Variants in NCOR1 observed in about 807,000 individuals in gnomAD.
NCOR1 encodes the protein nuclear receptor corepressor 1.
Under a neutral mutation model 288.1 loss-of-function variants are expected in NCOR1, and 63 were observed. The observed-to-expected ratio is 0.22, with a 90% CI of 0.18 to 0.27. The LOEUF (loss-of-function observed/expected upper bound fraction) is 0.27. Among genes scored for constraint, NCOR1 ranks in the 10% least tolerant of loss-of-function variants. NCOR1 has a pLI of 1.00. For synonymous variants in NCOR1, 1,007 were observed against 1,065.9 expected (o/e 0.94, Z 1.08); for missense variants, 2,397 against 3,019.2 (o/e 0.79, Z 4.83).
Position 16,029,210 on chromosome 17 carries a change from C to G in NCOR1, c.*3086G>C, listed in dbSNP as rs1170900716. Reference sequence around the variant, plus strand: ...TAATTTTAAATCATCCACAGTGACTCAGCTCATGGTCTCGTTGTTGGAAAC... The same window carrying G: ...TAATTTTAAATCATCCACAGTGACTGAGCTCATGGTCTCGTTGTTGGAAAC... On this transcript the variant is annotated 3_prime_UTR_variant, in exon 46 of 46. Transcript: ENST00000268712. 1 of 453,894 alleles carries G rather than the reference C, an allele frequency of 2.2e-6. No homozygotes were observed. The highest frequency in any genetic ancestry group is 4.4e-6 in the Non-Finnish European group (1 of 226,722). The allele number at this position is 453,894 out of a possible 1,614,324, so 28.1% of individuals were successfully genotyped here. A position where few individuals can be genotyped will look rare whatever the true frequency, so the allele number is the denominator to read the frequency against.
chr17:16,117,220 C>G (rs138624991), intron 18 of NCOR1, among the ~76,000 whole-genome samples: 1 of 152,240 alleles, frequency 6.6e-6, no homozygotes, highest in East Asian at 1.9e-4. Flanking sequence ...CTAAAGTTTT[C>G]AATTCAATCT....
intron 4 of NCOR1, among the ~76,000 whole-genome samples, chr17:16,170,530 C>T (rs191307877): frequency 2.0e-5 from 3 of 152,074 alleles, no homozygotes; most frequent in African/African-American, 7.2e-5. Flanking sequence ...ATAAGCAAAG[C>T]AGAGTTGAAA....
In NCOR1 at chr17:16,114,143, CAAAAAA is replaced by C. The variant is rs71353770; in HGVS notation, c.2055+3739_2055+3744del. Reference sequence around the variant, plus strand: ...TAACGTCTTACATGATGGCGGCAGGCAAAAAAAAAAAAAAAAAAAAAAAAAACTTGT... The same window carrying C: ...TAACGTCTTACATGATGGCGGCAGGCAAAAAAAAAAAAAAAAAAAACTTGT... On this transcript the variant is annotated intron_variant, in intron 18 of 45. Coordinates refer to ENST00000268712, the MANE Select transcript of NCOR1 (RefSeq NM_006311.4). 2.8e-4 allele frequency among the ~76,000 whole-genome samples: 5 copies of C among 17,708 alleles called. 1 individual carries two copies. The highest frequency in any genetic ancestry group is 6.2e-4 in the Non-Finnish European group (5 of 8,004). The allele number at this position is 17,708 out of a possible 152,430, so 11.6% of individuals were successfully genotyped here.
In NCOR1 at chr17:16,032,362, G is replaced by A; in HGVS notation, c.7257C>T (p.Ile2419=). 3 of 1,614,136 alleles carry A rather than the reference G, an allele frequency of 1.9e-6. No individual in the cohort carries two copies. Among genetic ancestry groups the A allele is most frequent in the Non-Finnish European group, 2.5e-6 (3 of 1,180,006 alleles). ...NQAAPHQQNR[I]WEREPAPLLS... The stretch of plus-strand genomic sequence containing the variant: ...GCAGTGGGGCAGGCTCTCGCTCCCA[G>A]ATCCTGTTCTGTTGGTGAGGAGCTG... Residue 2419 remains isoleucine (I), a synonymous_variant, in exon 46 of 46, where the codon ATC becomes ATT. Transcript: ENST00000268712.
At chr17:16,166,728 A>G (rs544850937) in intron 4 of NCOR1, among the ~76,000 whole-genome samples, 1 of 152,074 alleles carries the variant, frequency 6.6e-6, no homozygotes, top group Non-Finnish European at 1.5e-5. Context: ...ATCTTTATCA[A>G]CCTTTTTTTC....
intron 1 of NCOR1, 49 bp from the exon 2 acceptor site, chr17:16,194,688 G>C (rs1375001791): frequency 1.8e-6 from 1 of 541,752 alleles, no homozygotes; most frequent in Non-Finnish European, 3.3e-6. Flanking sequence ...AAAACACCAA[G>C]TGTACTTCTA....
chr17:16,087,055 T>C lies in NCOR1; in HGVS notation c.3017-613A>G, dbSNP rs1442663661. 6.8e-6 allele frequency: 5 copies of C among 739,556 alleles called. No homozygotes were observed. In the East Asian group the frequency reaches 3.3e-4, roughly 49 times the overall value. 45.8% of individuals were successfully genotyped at this position (739,556 alleles called of 1,614,324 possible). A position where few individuals can be genotyped will look rare whatever the true frequency, so the allele number is the denominator to read the frequency against. On this transcript the variant is annotated intron_variant, in intron 22 of 45. Transcript: ENST00000268712. ...GATGGAACGCAGAGAAACAAAGTCATTCTGAAACAGCAAGGACACGTCCTG... is the reference window on the plus strand; with the variant it reads ...GATGGAACGCAGAGAAACAAAGTCACTCTGAAACAGCAAGGACACGTCCTG...
intron 44 of NCOR1, among the ~76,000 whole-genome samples, chr17:16,036,590 G>C (rs939128392): frequency 7.9e-5 from 12 of 152,220 alleles, no homozygotes; most frequent in African/African-American, 2.4e-4. Flanking sequence ...TGAGTAACTT[G>C]CTGCAACATC....
At position 16,074,084 on chromosome 17, in the gene NCOR1, C is replaced by T. The variant is rs1440303642; in HGVS notation, c.3671-515G>A. On this transcript the variant is annotated intron_variant, in intron 27 of 45. Coordinates refer to ENST00000268712, the MANE Select transcript of NCOR1 (RefSeq NM_006311.4). ...GACAGAGAAAGGTACAATAAAAGAA[C>T]GTAAGCGTGGTAACCGGCTAATGTG... Among the ~76,000 whole-genome samples the T allele has an allele frequency of 2.0e-5, 3 of 152,046 alleles. No homozygotes were observed. The South Asian group carries it at 6.2e-4, about 32-fold the overall frequency.
At chr17:16,098,329 T>C (rs768801413) in intron 21 of NCOR1, 38 bp downstream of exon 21, 2 of 1,602,146 alleles carry the variant, frequency 1.2e-6, no homozygotes, top group East Asian at 2.2e-5. Flanking sequence ...GGTCTCAGTT[T>C]TTCATATTTA....
At chr17:16,188,368 T>C (rs1049163524) in intron 2 of NCOR1, among the ~76,000 whole-genome samples, 1 of 152,162 alleles carries the variant, frequency 6.6e-6, no homozygotes, top group Non-Finnish European at 1.5e-5. Flanking sequence ...TCCCAGCACT[T>C]TGGGAGGCCA....
At chr17:16,045,731 C>G (rs1307822261) in intron 42 of NCOR1, among the ~76,000 whole-genome samples, 1 of 152,124 alleles carries the variant, frequency 6.6e-6, no homozygotes, top group Non-Finnish European at 1.5e-5. Context: ...GCCTCAAACT[C>G]TTGATCTCAG....
chr17:16,091,995 G>A lies in NCOR1; in HGVS notation c.2884C>T (p.Arg962Ter), dbSNP rs1366875142. Residue 962 changes from arginine (R) to a stop codon, truncating the protein, a stop_gained, in exon 22 of 46, where the codon CGA becomes TGA. Coordinates refer to ENST00000268712, the MANE Select transcript of NCOR1 (RefSeq NM_006311.4). LOFTEE classifies it high-confidence loss of function. ...TPVSGYALYQ[R>*]HIKAMHESAL... ...GACTCATGCATTGCTTTAATGTGTC[G>A]CTGGTAGAGAGCATAGCCGCTCACT... 1 of 1,614,130 alleles carries A rather than the reference G, an allele frequency of 6.2e-7. No homozygotes were observed. The highest frequency in any genetic ancestry group is 1.1e-5 in the South Asian group (1 of 91,082).
intron 2 of NCOR1, among the ~76,000 whole-genome samples, chr17:16,187,219 A>G (rs1244274731): frequency 2.0e-5 from 3 of 150,834 alleles, no homozygotes; most frequent in African/African-American, 7.3e-5. Context: ...TTTTTGGCAA[A>G]AACTTCTTTT....
rs551808569 is a variant in NCOR1 at position 16,155,543 on chromosome 17, G to C, written c.733-2148C>G. Among the ~76,000 whole-genome samples the C allele has an allele frequency of 3.5e-4, 54 of 152,222 alleles. 1 individual carries two copies. In the South Asian group the frequency reaches 0.011, roughly 32 times the overall value. ...CAAATTGAACTGTTAAAAATAGTCTGTTTAGAGACTAAACAAACTTAGACT... is the reference window on the plus strand; with the variant it reads ...CAAATTGAACTGTTAAAAATAGTCTCTTTAGAGACTAAACAAACTTAGACT... On this transcript the variant is annotated intron_variant, in intron 6 of 45. Coordinates refer to ENST00000268712, the MANE Select transcript of NCOR1 (RefSeq NM_006311.4).
chr17:16,066,894 G>A (rs1284135428), intron 32 of NCOR1, among the ~76,000 whole-genome samples: 1 of 152,216 alleles, frequency 6.6e-6, no homozygotes, highest in Non-Finnish European at 1.5e-5. Context: ...ACCAAAGTGA[G>A]GCACAAGTAT....
intron 22 of NCOR1, among the ~76,000 whole-genome samples, chr17:16,089,340 C>T (rs1174558304): frequency 6.6e-6 from 1 of 152,078 alleles, no homozygotes; most frequent in Non-Finnish European, 1.5e-5. Flanking sequence ...CCTCCATATG[C>T]TTAAGTTTGA....
rs552922011 is a variant in NCOR1, at chr17:16,127,327, A to G, written c.1510-1121T>C. On this transcript the variant is annotated intron_variant, in intron 14 of 45. Coordinates refer to ENST00000268712, the MANE Select transcript of NCOR1 (RefSeq NM_006311.4). Reference sequence around the variant, plus strand: ...TATATATACATGTATGTATATATGTATGTATATATACATGTATGTATATAT... The same window carrying G: ...TATATATACATGTATGTATATATGTGTGTATATATACATGTATGTATATAT... Among the ~76,000 whole-genome samples, 14 of 124,074 alleles carry G rather than the reference A, an allele frequency of 1.1e-4. 3 individuals are homozygous for G. In the South Asian group the frequency reaches 3.1e-3, roughly 27 times the overall value. 81.4% of individuals were successfully genotyped at this position (124,074 alleles called of 152,430 possible).
chr17:16,092,984 A>G (rs955934705), intron 21 of NCOR1, among the ~76,000 whole-genome samples: 3 of 151,840 alleles, frequency 2.0e-5, no homozygotes, highest in Admixed American at 6.6e-5. Context: ...AATTACAGGT[A>G]TGAGCCACCG....
Sources: gnomAD v4.1 joint callset for allele counts (sites outside exome capture counted in the v4.1 genomes callset) on GRCh38, gnomAD v4.1.1 for gene constraint, MANE v1.5 for transcripts, NCBI Gene and HGNC (gene_info 2026-07-23, HGNC 2026-07-21) for gene names.